The following XNDC1N variants were observed in gnomAD, a reference collection of about 807,000 sequenced individuals.
XNDC1N encodes the protein XRCC1 N-terminal domain containing 1, N-terminal like, also known as protein XNDC1N.
At chr11:71,888,800 G>T in the XNDC1N span, among the ~76,000 whole-genome samples, 1 of 152,182 alleles carries the variant, frequency 6.6e-6, no homozygotes, top group African/African-American at 2.4e-5. Context: ...CACACTCACC[G>T]ACTACCAGAC....
At chr11:71,916,268 G>A in the XNDC1N span, 3 of 702,014 alleles carry the variant, frequency 4.3e-6, no homozygotes, top group Admixed American at 4.0e-5. Context: ...GGAAAAAAGA[G>A]AAACAAAATC....
the XNDC1N span, among the ~76,000 whole-genome samples, chr11:71,908,045 G>A: frequency 1.3e-5 from 2 of 152,224 alleles, no homozygotes; most frequent in Middle Eastern, 3.4e-3. Flanking sequence ...CACCTACTGC[G>A]ATATAGAACG....
the XNDC1N span, chr11:71,903,966 G>A: frequency 1.6e-5 from 8 of 501,856 alleles, no homozygotes; most frequent in Non-Finnish European, 2.8e-5. Flanking sequence ...GCGTTGGAGG[G>A]TACCTCGGTT....
At chr11:71,915,264 C>T in the XNDC1N span, among the ~76,000 whole-genome samples, 10 of 151,914 alleles carry the variant, frequency 6.6e-5, no homozygotes, top group Admixed American at 1.3e-4. Context: ...GTGGCTAACA[C>T]GGTGAAACCC....
At chr11:71,886,056 T>A in the XNDC1N span, among the ~76,000 whole-genome samples, 2 of 152,112 alleles carry the variant, frequency 1.3e-5, no homozygotes, top group African/African-American at 4.8e-5. Flanking sequence ...GCAGCTCGTT[T>A]ACGACCCAAA....
the XNDC1N span, among the ~76,000 whole-genome samples, chr11:71,920,871 A>G: frequency 6.6e-5 from 10 of 152,200 alleles, no homozygotes; most frequent in African/African-American, 2.4e-4. Context: ...GGGCCAAGGC[A>G]GGAGAATCGC....
At chr11:71,899,949 G>A in the XNDC1N span, among the ~76,000 whole-genome samples, 4,791 of 144,196 alleles carry the variant, frequency 0.033, no homozygotes, top group African/African-American at 0.086. Flanking sequence ...TGAGATGGGG[G>A]AAAAACCGCC....
chr11:71,897,500 G>A, the XNDC1N span, among the ~76,000 whole-genome samples: 1 of 152,194 alleles, frequency 6.6e-6, no homozygotes, highest in Non-Finnish European at 1.5e-5. Context: ...ACTCATCATA[G>A]GGAAGCACAA....
At chr11:71,878,868 C>T in the XNDC1N span, among the ~76,000 whole-genome samples, 6 of 151,986 alleles carry the variant, frequency 3.9e-5, no homozygotes, top group East Asian at 1.9e-4. Flanking sequence ...GGTATAGTGG[C>T]GCGTGCCTGT....
At chr11:71,921,132 C>T in the XNDC1N span, among the ~76,000 whole-genome samples, 1 of 152,024 alleles carries the variant, frequency 6.6e-6, no homozygotes, top group Non-Finnish European at 1.5e-5. Flanking sequence ...GCTGGGACTA[C>T]AGGTGTGTGC....
At chr11:71,914,166 G>C in the XNDC1N span, among the ~76,000 whole-genome samples, 2 of 152,030 alleles carry the variant, frequency 1.3e-5, no homozygotes, top group African/African-American at 4.8e-5. Context: ...ATTCTGTAAG[G>C]CTATATTTGC....
chr11:71,918,922 C>A, the XNDC1N span: 1 of 703,006 alleles, frequency 1.4e-6, no homozygotes. Flanking sequence ...CCCTCTCCAG[C>A]TGTAGTTCTA....
chr11:71,904,861 A>T, the XNDC1N span, among the ~76,000 whole-genome samples: 4 of 152,012 alleles, frequency 2.6e-5, no homozygotes, highest in African/African-American at 7.3e-5. Flanking sequence ...ATAGTATCAC[A>T]GGTGTTGAAT....
chr11:71,890,894 G>T, the XNDC1N span, among the ~76,000 whole-genome samples: 2 of 151,992 alleles, frequency 1.3e-5, no homozygotes, highest in South Asian at 4.2e-4. Flanking sequence ...AGGAAAAAAT[G>T]TCACTGGGGA....
chr11:71,904,463 T>C, the XNDC1N span, among the ~76,000 whole-genome samples: 435 of 152,256 alleles, frequency 2.9e-3, 5 homozygotes, highest in Admixed American at 5.4e-3. Context: ...CTCCCTAGGA[T>C]ATTATGAATA....
At chr11:71,908,201 TATTAAG>T in the XNDC1N span, among the ~76,000 whole-genome samples, 1 of 151,990 alleles carries the variant, frequency 6.6e-6, no homozygotes, top group East Asian at 1.9e-4. Context: ...TTAATATTAA[TATTAAG>T]AAATAATTGC....
At chr11:71,919,097 G>T in the XNDC1N span, 4 of 685,224 alleles carry the variant, frequency 5.8e-6, no homozygotes, top group Non-Finnish European at 1.1e-5. Flanking sequence ...CATGAATGAG[G>T]GATCGCTAAA....
At chr11:71,920,408 A>C in the XNDC1N span, among the ~76,000 whole-genome samples, 1 of 152,066 alleles carries the variant, frequency 6.6e-6, no homozygotes, top group South Asian at 2.1e-4. Context: ...CCCGGGTTCA[A>C]GCAATTCTCC....
At chr11:71,927,125 A>G in the XNDC1N span, among the ~76,000 whole-genome samples, 2 of 151,988 alleles carry the variant, frequency 1.3e-5, no homozygotes, top group Admixed American at 1.3e-4. Flanking sequence ...GCACATGCCT[A>G]TAGTCCCAGG....
Sources: allele counts gnomAD v4.1 joint callset (sites outside exome capture counted in the v4.1 genomes callset), GRCh38; gene constraint gnomAD v4.1.1; transcripts MANE v1.5; gene names NCBI Gene and HGNC (gene_info 2026-07-23, HGNC 2026-07-21).